The following POP4 variants were observed in gnomAD, a reference collection of about 807,000 sequenced individuals.
The protein encoded by POP4 is POP4 ribonuclease P/MRP subunit, also known as ribonuclease P protein subunit p29.
A neutral mutation model predicts 29.9 loss-of-function variants in POP4; 31 were observed. The observed-to-expected ratio is 1.04, with a 90% CI of 0.78 to 1.40. POP4 has a LOEUF of 1.40. POP4 is among the 40% of genes most tolerant of loss of function. The pLI, the probability that POP4 is intolerant of heterozygous loss-of-function variation, is 0.00. For synonymous variants in POP4, 110 were observed against 108.2 expected, an observed-to-expected ratio of 1.02 and a Z score of -0.10; for missense variants, 286 against 282.7, an observed-to-expected ratio of 1.01 and a Z score of -0.08.
At chr19:29,608,821 AT>A in intron 2 of POP4, 112 bp downstream of exon 2, 2 of 1,028,358 alleles carry the variant, frequency 1.9e-6, no homozygotes, top group Non-Finnish European at 3.0e-6. Flanking sequence ...CATACTCCTC[AT>A]TTTTCTGGCA....
intron 2 of POP4, 79 bp from the exon 3 acceptor site, chr19:29,610,330 G>C: frequency 7.4e-7 from 1 of 1,344,716 alleles, no homozygotes. Context: ...TAGCTGCCGG[G>C]AATGGCGGGC....
chr19:29,610,870 CATCTGTTGCCCATGGCAA>C (rs1599486308), intron 3 of POP4: 1 of 536,956 alleles, frequency 1.9e-6, no homozygotes, highest in East Asian at 3.2e-5. Flanking sequence ...CGTGCAAGTA[CATCTGTTGCCCATGGCAA>C]CAGGCTGTTT....
At chr19:29,607,774 G>T (rs1183250708) in intron 1 of POP4, among the ~76,000 whole-genome samples, 1 of 152,160 alleles carries the variant, frequency 6.6e-6, no homozygotes, top group Admixed American at 6.5e-5. Context: ...GGACACCATC[G>T]ATTATGTGAC....
chr19:29,615,367 C>CGATT lies in POP4; in HGVS notation c.653_656dup (p.Leu220Ter). The CGATT allele has an allele frequency of 1.2e-6, 2 of 1,612,950 alleles. No homozygotes were observed. The highest frequency in any genetic ancestry group is 1.7e-6 in the Non-Finnish European group (2 of 1,179,644). On this transcript the variant is annotated frameshift_variant, in exon 7 of 7. Coordinates refer to ENST00000585603, the MANE Select transcript of POP4 (RefSeq NM_006627.3). LOFTEE classifies it high-confidence loss of function. ...GCGAAGAAGTTCAAAGCGAAGGGAACGATTGACCTGTGAATTCTTTGCCGT... is the reference window on the plus strand; with the variant it reads ...GCGAAGAAGTTCAAAGCGAAGGGAACGATTGATTGACCTGTGAATTCTTTGCCGT...
Position 29,610,401 on chromosome 19 carries a change from G to A in POP4, c.61-8G>A, listed in dbSNP as rs760767957. 74 of 1,548,192 alleles carry A rather than the reference G, an allele frequency of 4.8e-5. No homozygotes were observed. In the South Asian group the frequency reaches 6.0e-4, roughly 13 times the overall value. ...CAGTGAGCGCCGCACCCCCTTGTCC[G>A]CCTGCAGCCTTCAGGAGCACAGCGG... On this transcript the variant is annotated splice_region_variant and splice_polypyrimidine_tract_variant and intron_variant, in intron 2 of 6. Transcript: ENST00000585603.
intron 1 of POP4, among the ~76,000 whole-genome samples, chr19:29,607,388 C>T (rs1971011339): frequency 6.6e-6 from 1 of 151,812 alleles, no homozygotes; most frequent in Admixed American, 6.6e-5. Flanking sequence ...GTCGAAGTTG[C>T]AGTGAGCTAT....
chr19:29,613,792 C>T, intron 5 of POP4, 79 bp from the exon 6 acceptor site: 1 of 1,529,900 alleles, frequency 6.5e-7, no homozygotes. Flanking sequence ...TCAGCACCCC[C>T]AACCCCTGAG....
chr19:29,615,461 A>G lies in POP4; in HGVS notation c.*81A>G. The G allele has an allele frequency of 2.7e-6, 4 of 1,500,298 alleles. No individual in the cohort carries two copies. The highest frequency in any genetic ancestry group is 2.7e-6 in the Non-Finnish European group (3 of 1,102,806). 92.9% of individuals were successfully genotyped at this position (1,500,298 alleles called of 1,614,324 possible). A position where few individuals can be genotyped will look rare whatever the true frequency, so the allele number is the denominator to read the frequency against. On this transcript the variant is annotated 3_prime_UTR_variant, in exon 7 of 7. Coordinates refer to ENST00000585603, the MANE Select transcript of POP4 (RefSeq NM_006627.3). ...AATGTCCACCTTTCAGTGAAGAGAT[A>G]GTTAAGCCAATTCCATTTATAGACC...
At chr19:29,610,344 A>G (rs890156762) in intron 2 of POP4, 65 bp from the exon 3 acceptor site, 1 of 1,414,100 alleles carries the variant, frequency 7.1e-7, no homozygotes, top group Non-Finnish European at 9.4e-7. Flanking sequence ...GGCGGGCGGG[A>G]TGCCTGGGAT....
Position 29,611,877 on chromosome 19 carries a change from C to T in POP4, c.300C>T (p.Leu100=). The change falls in exon 4 of 7, where the codon CTC becomes CTT. Residue 100 remains leucine, a synonymous_variant. Transcript: ENST00000585603. ...TTTGCTGCAGATACAGCCTTTTCCTCCCTCTCCATGAACTCTGGAAACAGT... is the reference window on the plus strand; with the variant it reads ...TTTGCTGCAGATACAGCCTTTTCCTTCCTCTCCATGAACTCTGGAAACAGT... ...KPEQQRYSLF[L]PLHELWKQYI... is the part of the protein sequence containing the mutation. The T allele has an allele frequency of 1.2e-6, 2 of 1,614,156 alleles. No individual in the cohort carries two copies. The highest frequency in any genetic ancestry group is 2.2e-5 in the South Asian group (2 of 91,072).
chr19:29,610,235 G>A (rs577732998), intron 2 of POP4, 174 bp from the exon 3 acceptor site: 7 of 607,974 alleles, frequency 1.2e-5, no homozygotes, highest in Non-Finnish European at 1.7e-5. Flanking sequence ...CTTACATCTC[G>A]GCAGCTGTGG....
At chr19:29,606,372 G>A in intron 1 of POP4, 47 bp downstream of exon 1, 3 of 1,585,812 alleles carry the variant, frequency 1.9e-6, no homozygotes, top group Non-Finnish European at 1.7e-6. Flanking sequence ...GTTAAGGGTC[G>A]GGGTCTTGGT....
intron 3 of POP4, 143 bp from the exon 4 acceptor site, chr19:29,611,719 A>G (rs1316817994): frequency 7.3e-6 from 5 of 683,084 alleles, no homozygotes; most frequent in African/African-American, 1.8e-5. Context: ...TATCAGCTCA[A>G]TTGCTCATCG....
At chr19:29,610,664 C>T (rs116454684) in intron 3 of POP4, 32 bp downstream of exon 3, 80 of 1,599,068 alleles carry the variant, frequency 5.0e-5, no homozygotes, top group Non-Finnish European at 6.7e-5. Context: ...TTTCTGCCCG[C>T]GGTGCTTACC....
chr19:29,606,640 T>C (rs1286426948), intron 1 of POP4, among the ~76,000 whole-genome samples: 1 of 152,182 alleles, frequency 6.6e-6, no homozygotes, highest in African/African-American at 2.4e-5. Context: ...GCGGTCAAGA[T>C]CCTGCTCCTT....
intron 3 of POP4, chr19:29,611,542 A>C: frequency 3.8e-6 from 1 of 266,512 alleles, no homozygotes. Flanking sequence ...GGGGCTTACT[A>C]GGTTCAATTT....
In POP4 at chr19:29,616,549, A is replaced by G. The variant is rs886615021; in HGVS notation, c.*1169A>G. On this transcript the variant is annotated 3_prime_UTR_variant, in exon 7 of 7. Coordinates refer to ENST00000585603, the MANE Select transcript of POP4 (RefSeq NM_006627.3). ...TTCCACCCAAACCACACCAGAGAGAAACACCGTAGTGGAGAAGGGAAGTGG... is the reference window on the plus strand; with the variant it reads ...TTCCACCCAAACCACACCAGAGAGAGACACCGTAGTGGAGAAGGGAAGTGG... The G allele has an allele frequency of 2.0e-5, 3 of 152,354 alleles. No homozygotes were observed. Among genetic ancestry groups the G allele is most frequent in the African/African-American group, 7.2e-5 (3 of 41,434 alleles). The allele number at this position is 152,354 out of a possible 1,614,324, so 9.4% of individuals were successfully genotyped here.
intron 1 of POP4, among the ~76,000 whole-genome samples, chr19:29,607,223 C>A (rs140208154): frequency 1.3e-5 from 2 of 150,644 alleles, no homozygotes; most frequent in Non-Finnish European, 2.9e-5. Context: ...CACTTGAGGC[C>A]AAGAGTTGAA....
At chr19:29,609,955 A>G (rs1380390946) in intron 2 of POP4, among the ~76,000 whole-genome samples, 1 of 152,146 alleles carries the variant, frequency 6.6e-6, no homozygotes, top group South Asian at 2.1e-4. Flanking sequence ...CTGGAGCCCT[A>G]GTTTTGCTGT....
Sources: gnomAD v4.1 joint callset for allele counts (sites outside exome capture counted in the v4.1 genomes callset) on GRCh38, gnomAD v4.1.1 for gene constraint, MANE v1.5 for transcripts, NCBI Gene and HGNC (gene_info 2026-07-23, HGNC 2026-07-21) for gene names.